The following SLC51A variants were observed in gnomAD, a reference collection of about 807,000 sequenced individuals.
SLC51A encodes solute carrier family 51 member A, also known as organic solute transporter subunit alpha.
SLC51A carries 22 observed loss-of-function variants against 34.8 expected under a neutral mutation model. That is an observed-to-expected ratio of 0.63 (90% CI 0.45 to 0.90). The LOEUF (loss-of-function observed/expected upper bound fraction) is 0.90. SLC51A is among the 40% of genes least tolerant of loss of function. The probability of loss-of-function intolerance (pLI) is 0.00; values close to 1 mark genes in which losing one functional copy is unlikely to be tolerated. For missense variants in SLC51A, 371 were observed against 414.8 expected, an observed-to-expected ratio of 0.89 and a Z score of 0.92; for synonymous variants, 181 against 176.3, an observed-to-expected ratio of 1.03 and a Z score of -0.21.
At chr3:196,221,074 G>T (rs1723744021) in intron 2 of SLC51A, among the ~76,000 whole-genome samples, 1 of 151,254 alleles carries the variant, frequency 6.6e-6, no homozygotes, top group East Asian at 1.9e-4. Flanking sequence ...GTATTTTTTT[G>T]TAGAGGTGGA....
At chr3:196,227,493 C>T (rs987699682) in intron 3 of SLC51A, 171 bp from the exon 4 acceptor site, 2 of 640,492 alleles carry the variant, frequency 3.1e-6, no homozygotes, top group Non-Finnish European at 2.8e-6. Flanking sequence ...GAAACACCCT[C>T]CCACAGGTCC....
Position 196,217,887 on chromosome 3 carries a change from C to A in SLC51A, c.84C>A (p.Ile28=). ...AGGTGCTGAAGACCAATTACGGCATCCCCTCCGCCTGCTTCTCTCAGCCTC... is the reference window on the plus strand; with the variant it reads ...AGGTGCTGAAGACCAATTACGGCATACCCTCCGCCTGCTTCTCTCAGCCTC... ...LLEVLKTNYG[I]PSACFSQPPT... is the part of the protein sequence containing the mutation. The change falls in exon 2 of 9, where the codon ATC becomes ATA. Residue 28 remains isoleucine (I), a synonymous_variant. Transcript: ENST00000296327. 1.2e-6 allele frequency: 2 copies of A among 1,613,642 alleles called. No individual in the cohort carries two copies. Among genetic ancestry groups the A allele is most frequent in the Non-Finnish European group, 1.7e-6 (2 of 1,179,824 alleles).
chr3:196,226,651 G>GT, intron 2 of SLC51A: 1 of 185,758 alleles, frequency 5.4e-6, no homozygotes, highest in Non-Finnish European at 1.1e-5. Context: ...GTGGGTGTCT[G>GT]TAATCCCAGC....
intron 2 of SLC51A, among the ~76,000 whole-genome samples, 192 bp from the exon 3 acceptor site, chr3:196,226,773 T>TAAAAAAAAAAAAAAA (rs780868037): frequency 1.4e-4 from 15 of 107,562 alleles, no homozygotes; most frequent in African/African-American, 5.4e-4. Context: ...GGCTCCGTCT[T>TAAAAAAAAAAAAAAA]AAAAAAAAAA....
rs919231354 is a variant in SLC51A, at chr3:196,233,305, C to A, written c.*106C>A. On this transcript the variant is annotated 3_prime_UTR_variant, in exon 9 of 9. Transcript: ENST00000296327. Reference sequence around the variant, plus strand: ...TGGGAAGCATTCCCCCTTGTCAACACAAGCTGGCAGATACATTTGACTCTA... The same window carrying A: ...TGGGAAGCATTCCCCCTTGTCAACAAAAGCTGGCAGATACATTTGACTCTA... 5 of 1,270,540 alleles carry A rather than the reference C, an allele frequency of 3.9e-6. No homozygotes were observed. The highest frequency in any genetic ancestry group is 5.5e-6 in the Non-Finnish European group (5 of 914,598). 78.7% of individuals were successfully genotyped at this position (1,270,540 alleles called of 1,614,324 possible). A position where few individuals can be genotyped will look rare whatever the true frequency, so the allele number is the denominator to read the frequency against.
In SLC51A at chr3:196,228,956, T is replaced by C; in HGVS notation, c.633+36T>C. 6.7e-7 allele frequency: 1 copy of C among 1,492,690 alleles called. No homozygotes were observed. The highest frequency in any genetic ancestry group is 1.1e-5 in the South Asian group (1 of 88,686). 92.5% of individuals were successfully genotyped at this position (1,492,690 alleles called of 1,614,324 possible). A position where few individuals can be genotyped will look rare whatever the true frequency, so the allele number is the denominator to read the frequency against. ...AGTAAGGGACAGCACAGTCCAAGAC[T>C]CATTTAGTACCTTTGTGTTCTAAAA... On this transcript the variant is annotated intron_variant, in intron 6 of 8. Coordinates refer to ENST00000296327, the MANE Select transcript of SLC51A (RefSeq NM_152672.6). This position sits in a 1 kb window ranked among gnomAD's most constrained non-coding sequence, Gnocchi z 4.9.
intron 2 of SLC51A, among the ~76,000 whole-genome samples, chr3:196,220,849 T>C (rs1482457585): frequency 6.6e-6 from 1 of 152,028 alleles, no homozygotes; most frequent in Non-Finnish European, 1.5e-5. Flanking sequence ...GCGAAACTCC[T>C]TCCTCGCTTC....
Position 196,216,945 on chromosome 3 carries a change from C to A in SLC51A, c.38+195C>A, listed in dbSNP as rs1577341889. Reference sequence around the variant, plus strand: ...AGGGTGTGACACTCCAGGGCCTCGGCCTTGCCCCCCAGCGTGGGGAGAGAA... The same window carrying A: ...AGGGTGTGACACTCCAGGGCCTCGGACTTGCCCCCCAGCGTGGGGAGAGAA... On this transcript the variant is annotated intron_variant, in intron 1 of 8. Transcript: ENST00000296327. The surrounding 1 kb of genome is among the most constrained non-coding windows in gnomAD (Gnocchi z 4.5). Among the ~76,000 whole-genome samples the A allele has an allele frequency of 6.6e-6, 1 of 152,156 alleles. No homozygotes were observed. Among genetic ancestry groups the A allele is most frequent in the East Asian group, 1.9e-4 (1 of 5,184 alleles).
In SLC51A at chr3:196,228,003, C is replaced by A; in HGVS notation, c.363-112C>A. On this transcript the variant is annotated intron_variant, in intron 4 of 8. Coordinates refer to ENST00000296327, the MANE Select transcript of SLC51A (RefSeq NM_152672.6). The surrounding 1 kb of genome is among the most constrained non-coding windows in gnomAD (Gnocchi z 4.9). ...CTCCTCTCCCTCGCCCCTCTTGGGT[C>A]ACACACCCAGAACGCCCAGCCCTAG... 7.0e-7 allele frequency: 1 copy of A among 1,419,680 alleles called. No individual in the cohort carries two copies. Among genetic ancestry groups the A allele is most frequent in the South Asian group, 1.3e-5 (1 of 76,460 alleles). The allele number at this position is 1,419,680 out of a possible 1,614,324, so 87.9% of individuals were successfully genotyped here.
At chr3:196,229,880 T>C in intron 6 of SLC51A, 35 bp from the exon 7 acceptor site, 1 of 1,561,504 alleles carries the variant, frequency 6.4e-7, no homozygotes, top group Non-Finnish European at 8.7e-7. Flanking sequence ...AGAGAGAGCT[T>C]GCCTGCCTCA....
chr3:196,227,592 C>T (rs765876715), intron 3 of SLC51A, 72 bp from the exon 4 acceptor site: 1 of 1,387,718 alleles, frequency 7.2e-7, no homozygotes, highest in African/African-American at 1.4e-5. Flanking sequence ...CTCCTGTGTC[C>T]TTGCCGCAAA....
At chr3:196,227,922 GCCAGCCCTCTGTTC>G in intron 4 of SLC51A, 179 bp from the exon 5 acceptor site, 1 of 943,934 alleles carries the variant, frequency 1.1e-6, no homozygotes, top group East Asian at 2.5e-5. Context: ...ACATTCCTCA[GCCAGCCCTCTGTTC>G]CCACAGTCTG....
chr3:196,224,009 C>T, intron 2 of SLC51A: 1 of 296,682 alleles, frequency 3.4e-6, no homozygotes, highest in South Asian at 2.7e-5. Flanking sequence ...CAGGTACTCG[C>T]CACCATGCCT....
intron 6 of SLC51A, 158 bp from the exon 7 acceptor site, chr3:196,229,757 G>A (rs1367667539): frequency 2.7e-6 from 2 of 739,286 alleles, no homozygotes; most frequent in African/African-American, 1.8e-5. Context: ...AGAAGCCTGA[G>A]GCGAGGGGAT....
intron 7 of SLC51A, among the ~76,000 whole-genome samples, 192 bp downstream of exon 7, chr3:196,230,253 CT>C (rs1225065522): frequency 6.6e-6 from 1 of 152,210 alleles, no homozygotes; most frequent in African/African-American, 2.4e-5. Flanking sequence ...TTTCCCAGGG[CT>C]GCCATGACAA....
In SLC51A at chr3:196,229,934, C is replaced by A; in HGVS notation, c.653C>A (p.Ala218Asp). The change falls in exon 7 of 9, where the codon GCT becomes GAT. Residue 218 changes from alanine (A) to aspartate (D), a missense_variant. Physicochemically the swap from Ala to Asp is moderately radical, Grantham distance 126. Coordinates refer to ENST00000296327, the MANE Select transcript of SLC51A (RefSeq NM_152672.6). ...CACCAGATTTCTGAGGGGAGCACAG[C>A]TCTATGGATCAACACTTTCCTTGGC... is the stretch of plus-strand genomic sequence containing the variant. ...DPADISEGST[A>D]LWINTFLGVS... 1 of 1,611,784 alleles carries A rather than the reference C, an allele frequency of 6.2e-7. No individual in the cohort carries two copies.
Position 196,228,930 on chromosome 3 carries a change from G to A in SLC51A, c.633+10G>A, listed in dbSNP as rs1391998645. On this transcript the variant is annotated intron_variant, in intron 6 of 8. Transcript: ENST00000296327. The surrounding 1 kb of genome is among the most constrained non-coding windows in gnomAD (Gnocchi z 4.9). ...CTATGACCCAGCAGACGTAAGCCGG[G>A]AGTAAGGGACAGCACAGTCCAAGAC... The A allele has an allele frequency of 6.2e-7, 1 of 1,600,610 alleles. No homozygotes were observed. The highest frequency in any genetic ancestry group is 2.2e-5 in the East Asian group (1 of 44,768).
rs374374747 is a variant in SLC51A at position 196,229,944 on chromosome 3, C to T, written c.663C>T (p.Ile221=). The T allele has an allele frequency of 5.8e-5, 93 of 1,612,666 alleles. No individual in the cohort carries two copies. Among genetic ancestry groups the T allele is most frequent in the Admixed American group, 2.7e-4 (16 of 59,758 alleles). Residue 221 remains isoleucine (I), a synonymous_variant, in exon 7 of 9, where the codon ATC becomes ATT. Coordinates refer to ENST00000296327, the MANE Select transcript of SLC51A (RefSeq NM_152672.6). ...CTGAGGGGAGCACAGCTCTATGGAT[C>T]AACACTTTCCTTGGCGTGTCCACAC... ...DISEGSTALW[I]NTFLGVSTLL... is the part of the protein sequence containing the mutation.
In SLC51A at chr3:196,232,447, C is replaced by T. The variant is rs1269564751; in HGVS notation, c.809C>T (p.Pro270Leu). The change falls in exon 8 of 9, where the codon CCC becomes CTC. Residue 270 changes from proline to leucine, a missense_variant. Transcript: ENST00000296327. ...CTCCTCATCCTGACTGCCCTACAGC[C>T]CTCCATCTTCTCAGTCTTGGCCAAC... ...QVLLILTALQ[P>L]SIFSVLANGG... is the part of the protein sequence containing the mutation. 1 of 1,614,074 alleles carries T rather than the reference C, an allele frequency of 6.2e-7. No individual in the cohort carries two copies. Among genetic ancestry groups the T allele is most frequent in the Non-Finnish European group, 8.5e-7 (1 of 1,180,012 alleles).
Sources: allele counts gnomAD v4.1 joint callset (sites outside exome capture counted in the v4.1 genomes callset), GRCh38; gene constraint gnomAD v4.1.1; non-coding constraint Gnocchi (gnomAD v3.1); transcripts MANE v1.5; gene names NCBI Gene and HGNC (gene_info 2026-07-23, HGNC 2026-07-21).